Variants in SGCZ observed in about 807,000 individuals in gnomAD.
SGCZ encodes the protein sarcoglycan zeta.
Under a neutral mutation model 41.3 loss-of-function variants are expected in SGCZ, and 40 were observed. The ratio of observed to expected loss-of-function variants is 0.97; its 90% CI spans 0.75 to 1.26. The LOEUF (loss-of-function observed/expected upper bound fraction) is 1.26. Among genes scored for constraint, SGCZ ranks in the 50% most tolerant of loss-of-function variants. The probability of loss-of-function intolerance (pLI) is 0.00; values close to 1 mark genes in which losing one functional copy is unlikely to be tolerated. For missense variants in SGCZ, 552 were observed against 369.8 expected, an observed-to-expected ratio of 1.49 and a Z score of -4.04; for synonymous variants, 206 against 137.5, an observed-to-expected ratio of 1.50 and a Z score of -3.49.
intron 1 of SGCZ, among the ~76,000 whole-genome samples, chr8:14,656,218 C>G (rs1585158693): frequency 1.2e-5 from 1 of 82,250 alleles, no homozygotes; most frequent in African/African-American, 3.9e-5. Context: ...GTGTCTTTAT[C>G]CAGAGATAAA....
intron 1 of SGCZ, among the ~76,000 whole-genome samples, chr8:14,728,010 T>C (rs1172358417): frequency 2.0e-5 from 3 of 152,142 alleles, no homozygotes; most frequent in Admixed American, 6.6e-5. Flanking sequence ...GATTACCTAC[T>C]TGATGCGTCC....
intron 1 of SGCZ, among the ~76,000 whole-genome samples, chr8:15,084,743 C>T (rs1445336513): frequency 1.3e-5 from 2 of 152,028 alleles, no homozygotes; most frequent in Non-Finnish European, 2.9e-5. Flanking sequence ...TGGAGTGAGA[C>T]TCCATCTCAA....
intron 2 of SGCZ, among the ~76,000 whole-genome samples, chr8:14,324,516 T>C (rs1191689537): frequency 1.3e-5 from 2 of 152,180 alleles, no homozygotes. Context: ...TTATTTTGTA[T>C]AATGATGCTT....
chr8:15,095,342 G>A (rs762467516), intron 1 of SGCZ, among the ~76,000 whole-genome samples: 19 of 151,940 alleles, frequency 1.3e-4, no homozygotes, highest in Non-Finnish European at 2.1e-4. Context: ...CAAGTGATGC[G>A]CCTGCCTCGG....
At chr8:14,929,009 T>G (rs951358857) in intron 1 of SGCZ, among the ~76,000 whole-genome samples, 4 of 152,170 alleles carry the variant, frequency 2.6e-5, no homozygotes, top group Non-Finnish European at 4.4e-5. Flanking sequence ...ATTTATTTTT[T>G]CAGACAGAGT....
At chr8:14,121,877 T>A (rs553242811) in intron 5 of SGCZ, among the ~76,000 whole-genome samples, 106 of 152,320 alleles carry the variant, frequency 7.0e-4, no homozygotes, top group East Asian at 2.9e-3. Context: ...GTAGGTTTTT[T>A]AAAAATTTTT....
intron 3 of SGCZ, among the ~76,000 whole-genome samples, chr8:14,285,261 T>C (rs553580903): frequency 1.3e-5 from 2 of 152,154 alleles, no homozygotes; most frequent in African/African-American, 2.4e-5. Context: ...TTAGTCTTAG[T>C]CTTGTAACCT....
At chr8:14,496,860 G>C (rs765690975) in intron 2 of SGCZ, among the ~76,000 whole-genome samples, 23 of 152,278 alleles carry the variant, frequency 1.5e-4, no homozygotes, top group Non-Finnish European at 2.8e-4. Flanking sequence ...TTCTTAAAGA[G>C]TATTATGATA....
At chr8:15,112,177 C>G (rs192073422) in intron 1 of SGCZ, among the ~76,000 whole-genome samples, 2 of 152,142 alleles carry the variant, frequency 1.3e-5, no homozygotes, top group African/African-American at 4.8e-5. Context: ...TCTTTCACCG[C>G]GAGAACATAG....
At chr8:14,773,900 T>C (rs1415593446) in intron 1 of SGCZ, among the ~76,000 whole-genome samples, 1 of 152,204 alleles carries the variant, frequency 6.6e-6, no homozygotes, top group African/African-American at 2.4e-5. Context: ...ATATAATGTT[T>C]TTAAATTTTA....
chr8:14,620,886 C>T (rs1228669613), intron 1 of SGCZ, among the ~76,000 whole-genome samples: 1 of 152,084 alleles, frequency 6.6e-6, no homozygotes, highest in Admixed American at 6.6e-5. Flanking sequence ...TGTGGTGGTT[C>T]CTCAAGGATC....
At chr8:14,603,058 G>A (rs1322991529) in intron 1 of SGCZ, among the ~76,000 whole-genome samples, 2 of 152,162 alleles carry the variant, frequency 1.3e-5, no homozygotes, top group African/African-American at 4.8e-5. Context: ...GAGGATTCTA[G>A]TAGGGGACTT....
intron 1 of SGCZ, among the ~76,000 whole-genome samples, chr8:14,787,733 C>CA (rs1800814694): frequency 1.3e-5 from 2 of 151,996 alleles, no homozygotes; most frequent in Admixed American, 6.6e-5. Context: ...GTGATCCCAG[C>CA]TACTTGGGAG....
chr8:14,262,783 A>C (rs766457753), intron 3 of SGCZ, among the ~76,000 whole-genome samples: 4 of 151,680 alleles, frequency 2.6e-5, no homozygotes, highest in Non-Finnish European at 4.4e-5. Context: ...TCATGATGCA[A>C]ATCCCAGTCA....
chr8:14,822,642 C>A (rs139920034), intron 1 of SGCZ, among the ~76,000 whole-genome samples: 1 of 151,862 alleles, frequency 6.6e-6, no homozygotes, highest in African/African-American at 2.4e-5. Flanking sequence ...TGTAAACCAA[C>A]AGAACAAAAG....
intron 1 of SGCZ, among the ~76,000 whole-genome samples, chr8:14,774,473 C>T (rs537689901): frequency 1.3e-5 from 2 of 152,322 alleles, no homozygotes; most frequent in South Asian, 4.1e-4. Context: ...GTGTCCCCTA[C>T]CAGATAGTAA....
chr8:14,970,833 A>G (rs886545042), intron 1 of SGCZ, among the ~76,000 whole-genome samples: 3 of 152,288 alleles, frequency 2.0e-5, no homozygotes, highest in Non-Finnish European at 2.9e-5. Flanking sequence ...ACACAAAAAA[A>G]AGTCAGTTAA....
intron 1 of SGCZ, among the ~76,000 whole-genome samples, chr8:15,199,482 C>T (rs1585666271): frequency 6.6e-6 from 1 of 152,232 alleles, no homozygotes; most frequent in African/African-American, 2.4e-5. Context: ...TCCATGTGTT[C>T]TCAAAATCAT....
chr8:14,509,094 G>A (rs1802392163), intron 2 of SGCZ, among the ~76,000 whole-genome samples: 2 of 151,988 alleles, frequency 1.3e-5, no homozygotes, highest in Non-Finnish European at 2.9e-5. Flanking sequence ...AAGATATAAG[G>A]CTCTTTATGT....
Sources: allele counts gnomAD v4.1 joint callset (sites outside exome capture counted in the v4.1 genomes callset), GRCh38; gene constraint gnomAD v4.1.1; transcripts MANE v1.5; gene names NCBI Gene and HGNC (gene_info 2026-07-23, HGNC 2026-07-21).